PITPNC1: variants seen among roughly 807,000 people sequenced by gnomAD.
PITPNC1 encodes the protein cytoplasmic phosphatidylinositol transfer protein 1.
A neutral mutation model predicts 44.7 loss-of-function variants in PITPNC1; 18 were observed. That is an observed-to-expected ratio of 0.40 (90% CI 0.28 to 0.60). The LOEUF (loss-of-function observed/expected upper bound fraction) is 0.60. Ranked by LOEUF, PITPNC1 falls within the 20% of genes least tolerant of loss-of-function variation. PITPNC1 has a pLI of 0.39. For missense variants in PITPNC1, 290 were observed against 418.4 expected, an observed-to-expected ratio of 0.69 and a Z score of 2.68; for synonymous variants, 141 against 149.6, an observed-to-expected ratio of 0.94 and a Z score of 0.42.
intron 2 of PITPNC1, among the ~76,000 whole-genome samples, chr17:67,544,760 G>A (rs955165538): frequency 2.6e-5 from 4 of 152,218 alleles, no homozygotes; most frequent in Non-Finnish European, 5.9e-5. Context: ...ACAGCTTGTT[G>A]ATAGAACCTT....
intron 3 of PITPNC1, 141 bp downstream of exon 3, chr17:67,552,486 T>A: frequency 3.2e-6 from 2 of 616,268 alleles, no homozygotes; most frequent in Non-Finnish European, 5.8e-6. Context: ...TTTGGTTTCT[T>A]ACTTGTAGGT....
At chr17:67,599,136 G>C (rs1313308447) in intron 5 of PITPNC1, among the ~76,000 whole-genome samples, 2 of 147,842 alleles carry the variant, frequency 1.4e-5, no homozygotes, top group East Asian at 2.0e-4. Context: ...GGGATTACAG[G>C]CAAGAGCCAC....
intron 2 of PITPNC1, among the ~76,000 whole-genome samples, chr17:67,538,717 TTAAA>T (rs1287955255): frequency 1.3e-5 from 2 of 151,916 alleles, no homozygotes; most frequent in African/African-American, 4.8e-5. Context: ...CTAGAACTAA[TTAAA>T]TAAAAAATAA....
intron 5 of PITPNC1, among the ~76,000 whole-genome samples, chr17:67,609,645 C>T (rs1364145392): frequency 6.6e-6 from 1 of 152,050 alleles, no homozygotes; most frequent in African/African-American, 2.4e-5. Context: ...GCTGAAAAGT[C>T]ACCCCAAGAG....
chr17:67,662,286 T>C (rs1219866274), intron 6 of PITPNC1, among the ~76,000 whole-genome samples: 1 of 151,858 alleles, frequency 6.6e-6, no homozygotes, highest in African/African-American at 2.4e-5. Flanking sequence ...AAATCTCATC[T>C]CTACTAAAAA....
intron 1 of PITPNC1, among the ~76,000 whole-genome samples, chr17:67,494,554 A>G (rs185727255): frequency 1.6e-4 from 25 of 152,292 alleles, no homozygotes; most frequent in African/African-American, 5.5e-4. Context: ...AGATTTATCA[A>G]TGAACTAAAT....
chr17:67,591,002 C>G lies in PITPNC1; in HGVS notation c.366+12745C>G, dbSNP rs138589867. Among the ~76,000 whole-genome samples the G allele has an allele frequency of 1.8e-3, 269 of 151,954 alleles. 4 individuals carry two copies. The highest frequency in any genetic ancestry group is 3.2e-3 in the Non-Finnish European group (215 of 67,946). On this transcript the variant is annotated intron_variant, in intron 5 of 8. Transcript: ENST00000581322. ...AAGAAAGAATTTTACAATAGACATA[C>G]CTGGTGTATACCACCTTAACCAAAT...
intron 5 of PITPNC1, among the ~76,000 whole-genome samples, chr17:67,581,970 T>G (rs36062893): frequency 0.02 from 3,056 of 152,050 alleles, 44 homozygotes; most frequent in Non-Finnish European, 0.032. Flanking sequence ...GAGGCAGAGG[T>G]TGCCGTGAGC....
At chr17:67,391,350 TACAC>T (rs146777108) in intron 1 of PITPNC1, among the ~76,000 whole-genome samples, 2 of 151,866 alleles carry the variant, frequency 1.3e-5, no homozygotes, top group African/African-American at 4.8e-5. Context: ...CATGTCATCT[TACAC>T]ACACACACAG....
At chr17:67,642,948 C>A (rs891000642) in intron 6 of PITPNC1, among the ~76,000 whole-genome samples, 1 of 152,098 alleles carries the variant, frequency 6.6e-6, no homozygotes, top group African/African-American at 2.4e-5. Flanking sequence ...AGTTGCAAAT[C>A]CTACCAATTG....
intron 1 of PITPNC1, among the ~76,000 whole-genome samples, chr17:67,398,403 AGTG>A (rs1351137876): frequency 1.3e-5 from 2 of 152,044 alleles, no homozygotes; most frequent in Non-Finnish European, 2.9e-5. Context: ...TGCTTGAAGA[AGTG>A]GTAATCGGTT....
chr17:67,436,875 C>T (rs2038943729), intron 1 of PITPNC1, among the ~76,000 whole-genome samples: 1 of 149,130 alleles, frequency 6.7e-6, no homozygotes, highest in Non-Finnish European at 1.5e-5. Flanking sequence ...CTGCCTGGAA[C>T]CTCAGAATCT....
At chr17:67,634,301 G>T (rs1049586308) in intron 6 of PITPNC1, among the ~76,000 whole-genome samples, 2 of 152,182 alleles carry the variant, frequency 1.3e-5, no homozygotes, top group African/African-American at 2.4e-5. Context: ...GGATGTCTGG[G>T]CATGGTGCCT....
At position 67,575,027 on chromosome 17, in the gene PITPNC1, G is replaced by A. The variant is rs984957659; in HGVS notation, c.295-3159G>A. Among the ~76,000 whole-genome samples, 4 of 152,124 alleles carry A rather than the reference G, an allele frequency of 2.6e-5. No individual in the cohort carries two copies. The Middle Eastern group carries it at 0.014, about 517-fold the overall frequency. On this transcript the variant is annotated intron_variant, in intron 4 of 8. Transcript: ENST00000581322. ...TTAATACGCAAATGCTAAAATTCAT[G>A]TGTTGGGCTAGCTAAGTGGTTTAGA...
At chr17:67,632,731 C>T (rs1013951656) in intron 6 of PITPNC1, among the ~76,000 whole-genome samples, 4 of 152,004 alleles carry the variant, frequency 2.6e-5, no homozygotes, top group African/African-American at 9.7e-5. Flanking sequence ...CCATACCTGG[C>T]TAATTTTTGT....
chr17:67,683,178 A>AG (rs1192757133), intron 8 of PITPNC1, among the ~76,000 whole-genome samples: 1 of 151,486 alleles, frequency 6.6e-6, no homozygotes, highest in African/African-American at 2.4e-5. Context: ...AAAAAAAAAA[A>AG]AAAAAAAAAG....
intron 1 of PITPNC1, among the ~76,000 whole-genome samples, chr17:67,488,224 A>G (rs970254406): frequency 2.0e-5 from 3 of 152,242 alleles, no homozygotes; most frequent in African/African-American, 7.2e-5. Context: ...GGAATCAGAA[A>G]AAGTCCCCAC....
chr17:67,538,182 G>A (rs1222752802), intron 2 of PITPNC1, among the ~76,000 whole-genome samples: 1 of 152,066 alleles, frequency 6.6e-6, no homozygotes, highest in African/African-American at 2.4e-5. Context: ...TTAGTGCTTT[G>A]TATTTAATAG....
chr17:67,509,559 AAAAT>A (rs569903843), intron 1 of PITPNC1, among the ~76,000 whole-genome samples: 6,066 of 146,250 alleles, frequency 0.041, 242 homozygotes, highest in African/African-American at 0.11. Flanking sequence ...AATTGAATTA[AAAAT>A]AAATAAATAA....
Sources: gnomAD v4.1 joint callset for allele counts (sites outside exome capture counted in the v4.1 genomes callset) on GRCh38, gnomAD v4.1.1 for gene constraint, MANE v1.5 for transcripts, NCBI Gene and HGNC (gene_info 2026-07-23, HGNC 2026-07-21) for gene names.